Variants in FAM114A1 observed in about 807,000 individuals in gnomAD.
FAM114A1 encodes family with sequence similarity 114 member A1.
In FAM114A1, 62 loss-of-function variants were observed where a neutral mutation model predicts 64.3. The observed-to-expected ratio is 0.96, with a 90% CI of 0.79 to 1.19. The LOEUF is 1.19. Among genes scored for constraint, FAM114A1 ranks in the 50% most tolerant of loss-of-function variants. FAM114A1 has a pLI of 0.00. For synonymous variants in FAM114A1, 254 were observed against 251.1 expected (o/e 1.01, Z -0.11); for missense variants, 645 against 676.3 (o/e 0.95, Z 0.51).
Position 38,878,138 on chromosome 4 carries a change from G to C in FAM114A1, c.60G>C (p.Met20Ile), listed in dbSNP as rs138146690. 51 of 1,614,144 alleles carry C rather than the reference G, an allele frequency of 3.2e-5. No homozygotes were observed. Among genetic ancestry groups the C allele is most frequent in the Non-Finnish European group, 4.2e-5 (49 of 1,180,014 alleles). Reference sequence around the variant, plus strand: ...GAGACAAAGCAGAAGTTACTGAGATGCCTAATAGTGATTCTTTACCTGAGG... The same window carrying C: ...GAGACAAAGCAGAAGTTACTGAGATCCCTAATAGTGATTCTTTACCTGAGG... ...ATGDKAEVTE[M>I]PNSDSLPEDA... Residue 20 changes from methionine to isoleucine, a missense_variant, in exon 3 of 15, where the codon ATG becomes ATC. By Grantham distance (10) the Met-to-Ile change is conservative. Transcript: ENST00000358869.
At chr4:38,891,210 C>T (rs1418721232) in intron 3 of FAM114A1, among the ~76,000 whole-genome samples, 1 of 152,188 alleles carries the variant, frequency 6.6e-6, no homozygotes, top group African/African-American at 2.4e-5. Flanking sequence ...TCAAAGGTTT[C>T]TACCTTGCAA....
chr4:38,903,073 A>G (rs1717663358), intron 4 of FAM114A1, among the ~76,000 whole-genome samples: 1 of 152,044 alleles, frequency 6.6e-6, no homozygotes, highest in Admixed American at 6.6e-5. Flanking sequence ...AGAATGCAGT[A>G]AAAGGGTACT....
intron 9 of FAM114A1, among the ~76,000 whole-genome samples, chr4:38,923,600 T>G (rs374679435): frequency 2.6e-5 from 4 of 152,226 alleles, no homozygotes; most frequent in African/African-American, 9.6e-5. Flanking sequence ...AATCTTTCCC[T>G]GAATTTTTTT....
chr4:38,943,191 C>CAAAAAA (rs1255932256), intron 14 of FAM114A1, among the ~76,000 whole-genome samples: 9 of 88,866 alleles, frequency 1.0e-4, no homozygotes, highest in African/African-American at 4.0e-4. Context: ...GACTCTGTCT[C>CAAAAAA]AAAAAAAAAA....
chr4:38,873,229 G>A lies in FAM114A1; in HGVS notation c.-9+4683G>A, dbSNP rs549233625. 2.0e-5 allele frequency among the ~76,000 whole-genome samples: 3 copies of A among 152,270 alleles called. No homozygotes were observed. In the South Asian group the frequency reaches 6.2e-4, roughly 32 times the overall value. ...ATTCTTACATGTAGACTTGTTTACA[G>A]GAATATTATCACTGAATTCAAGGTC... On this transcript the variant is annotated intron_variant, in intron 2 of 14. Transcript: ENST00000358869.
chr4:38,905,455 T>G, intron 4 of FAM114A1, 67 bp from the exon 5 acceptor site: 1 of 1,152,670 alleles, frequency 8.7e-7, no homozygotes, highest in Non-Finnish European at 1.3e-6. Context: ...CTTTGTAAGA[T>G]TTGGTGGAGG....
intron 4 of FAM114A1, among the ~76,000 whole-genome samples, chr4:38,903,623 A>G (rs1717714073): frequency 6.6e-6 from 1 of 152,192 alleles, no homozygotes; most frequent in South Asian, 2.1e-4. Flanking sequence ...AAGATATTCT[A>G]TCCTCTAACT....
chr4:38,917,149 C>CAAATAAATAAATAAATAAATAAAT (rs55953630), intron 8 of FAM114A1, among the ~76,000 whole-genome samples: 55 of 143,134 alleles, frequency 3.8e-4, no homozygotes, highest in African/African-American at 5.0e-4. Context: ...ACTAAAAATA[C>CAAATAAATAAATAAATAAATAAAT]AAATAAATAA....
At chr4:38,898,991 A>G (rs185673313) in intron 4 of FAM114A1, among the ~76,000 whole-genome samples, 13 of 143,408 alleles carry the variant, frequency 9.1e-5, no homozygotes, top group Admixed American at 9.1e-4. Context: ...TATGTAATAT[A>G]TGTTATATAT....
chr4:38,875,755 C>T (rs1469193015), intron 2 of FAM114A1, among the ~76,000 whole-genome samples: 1 of 152,096 alleles, frequency 6.6e-6, no homozygotes, highest in East Asian at 1.9e-4. Flanking sequence ...GGGAATGCTT[C>T]CAGTTTTTGC....
intron 2 of FAM114A1, among the ~76,000 whole-genome samples, chr4:38,874,303 C>T (rs1714394033): frequency 6.6e-6 from 1 of 152,130 alleles, no homozygotes; most frequent in Non-Finnish European, 1.5e-5. Context: ...GCTGTTGATA[C>T]TATATATTCT....
chr4:38,916,422 G>C (rs1241866368), intron 8 of FAM114A1, among the ~76,000 whole-genome samples: 2 of 152,166 alleles, frequency 1.3e-5, no homozygotes, highest in South Asian at 4.1e-4. Flanking sequence ...AGCCAAAGAA[G>C]CACAAATGTG....
chr4:38,870,124 G>A (rs1198402265), intron 2 of FAM114A1, among the ~76,000 whole-genome samples: 2 of 152,258 alleles, frequency 1.3e-5, no homozygotes, highest in South Asian at 2.1e-4. Context: ...ATCCCTTGAC[G>A]CCTGCAGGAC....
At chr4:38,876,201 G>A (rs182835475) in intron 2 of FAM114A1, among the ~76,000 whole-genome samples, 36 of 117,066 alleles carry the variant, frequency 3.1e-4, no homozygotes, top group Admixed American at 1.1e-3. Flanking sequence ...AGACGGTCTC[G>A]CTTTGTCGCC....
chr4:38,890,785 T>C (rs1271423894), intron 3 of FAM114A1, among the ~76,000 whole-genome samples: 1 of 152,212 alleles, frequency 6.6e-6, no homozygotes, highest in East Asian at 1.9e-4. Context: ...GCATTCATTA[T>C]ATTCCAAGCA....
At chr4:38,911,486 G>A (rs1579358126) in intron 7 of FAM114A1, among the ~76,000 whole-genome samples, 1 of 152,324 alleles carries the variant, frequency 6.6e-6, no homozygotes, top group African/African-American at 2.4e-5. Flanking sequence ...TCCACTGGAG[G>A]CAATTGCACT....
chr4:38,909,901 C>CAGG (rs1446945982), intron 7 of FAM114A1, among the ~76,000 whole-genome samples: 1 of 152,168 alleles, frequency 6.6e-6, no homozygotes, highest in Non-Finnish European at 1.5e-5. Flanking sequence ...AGGGACTTTG[C>CAGG]AGGATCATCT....
intron 4 of FAM114A1, among the ~76,000 whole-genome samples, chr4:38,900,197 T>C (rs1264336512): frequency 6.6e-6 from 1 of 150,576 alleles, no homozygotes; most frequent in Non-Finnish European, 1.5e-5. Flanking sequence ...TTACCACTAA[T>C]ATTTCAGTAT....
rs192910857 is a variant in FAM114A1 at position 38,868,764 on chromosome 4, G to A, written c.-9+218G>A. ...CAGCCAACCTGTGACAACTGAGAATGAGACAGGCTCTATCCTCAGAGCCTC... is the reference window on the plus strand; with the variant it reads ...CAGCCAACCTGTGACAACTGAGAATAAGACAGGCTCTATCCTCAGAGCCTC... On this transcript the variant is annotated intron_variant, in intron 2 of 14. Transcript: ENST00000358869. 6.3e-3 allele frequency among the ~76,000 whole-genome samples: 963 copies of A among 152,332 alleles called. 13 individuals are homozygous for A. The highest frequency in any genetic ancestry group is 0.022 in the African/African-American group (912 of 41,576).
Sources: allele counts gnomAD v4.1 joint callset (sites outside exome capture counted in the v4.1 genomes callset), GRCh38; gene constraint gnomAD v4.1.1; transcripts MANE v1.5; gene names NCBI Gene and HGNC (gene_info 2026-07-23, HGNC 2026-07-21).